The following OVCH2 variants were observed in gnomAD, a reference collection of about 807,000 sequenced individuals.
OVCH2 encodes ovochymase 2.
OVCH2 carries 88 observed loss-of-function variants against 73.7 expected under a neutral mutation model. The observed-to-expected ratio is 1.19, with a 90% CI of 1.01 to 1.43. The LOEUF is 1.43. Among genes scored for constraint, OVCH2 ranks in the 40% most tolerant of loss-of-function variants. The probability of loss-of-function intolerance (pLI) is 0.00; values close to 1 mark genes in which losing one functional copy is unlikely to be tolerated. For synonymous variants in OVCH2, 265 were observed against 234.5 expected (o/e 1.13, Z -1.19); for missense variants, 706 against 674.5 (o/e 1.05, Z -0.52).
the OVCH2 span, among the ~76,000 whole-genome samples, chr11:7,680,980 C>T: frequency 6.6e-6 from 1 of 152,170 alleles, no homozygotes; most frequent in South Asian, 2.1e-4. Context: ...TTCCAATGTG[C>T]CCCCTGCTAC....
the OVCH2 span, among the ~76,000 whole-genome samples, chr11:7,680,596 C>T: frequency 2.0e-5 from 3 of 152,056 alleles, no homozygotes; most frequent in East Asian, 3.9e-4. Context: ...GGGGGAGGGG[C>T]CACCTGCCAA....
chr11:7,684,671 A>C (rs11041533), downstream of OVCH2, among the ~76,000 whole-genome samples: 14 of 152,038 alleles, frequency 9.2e-5, no homozygotes, highest in African/African-American at 3.4e-4. Context: ...TATATAAGAT[A>C]TAGTTAATTC....
chr11:7,704,610 G>C lies in OVCH2; in HGVS notation c.153C>G (p.Arg51=). Residue 51 remains arginine, a synonymous_variant, in exon 2 of 16, where the codon CGC becomes CGG. Transcript: ENST00000533663. ...QPWNYFNIFS[R]ILGGSQVEKG... ...TCTCCACTTGGCTTCCTCCAAGAAT[G>C]CGACTGAAAATGTTAAAATAATTCC... The C allele has an allele frequency of 6.2e-7, 1 of 1,612,888 alleles. No individual in the cohort carries two copies. The highest frequency in any genetic ancestry group is 8.5e-7 in the Non-Finnish European group (1 of 1,179,436).
chr11:7,696,426 G>T, intron 10 of OVCH2, 39 bp downstream of exon 10: 4 of 1,612,752 alleles, frequency 2.5e-6, no homozygotes, highest in South Asian at 1.1e-5. Context: ...AAGCCCACTT[G>T]GCACTGGTTT....
chr11:7,704,001 A>G (rs1357838437), intron 2 of OVCH2, among the ~76,000 whole-genome samples: 2 of 152,224 alleles, frequency 1.3e-5, no homozygotes. Flanking sequence ...TTAATTTGAG[A>G]TGACTGGCTG....
rs374238543 is a variant in OVCH2 at position 7,700,189 on chromosome 11, G to A, written c.901+107C>T. On this transcript the variant is annotated intron_variant, in intron 7 of 15. Transcript: ENST00000533663. ...CCTTGTGTGCTACACTGAGAACAGA[G>A]GTAGAGCCTGTTGGTTCAGGTGCTC... 31 of 1,069,656 alleles carry A rather than the reference G, an allele frequency of 2.9e-5. No individual in the cohort carries two copies. In the African/African-American group the frequency reaches 3.7e-4, roughly 13 times the overall value. The allele number at this position is 1,069,656 out of a possible 1,614,324, so 66.3% of individuals were successfully genotyped here.
rs34314441 is a variant in OVCH2, at chr11:7,694,803, CTTTTTTT to C, written c.1413+248_1413+254del. ...ATTCAATACAAAGATTAAAGCGGCA[CTTTTTTT>C]TTTTTTTTTTTTTTTTAAAGTAAGG... is the stretch of plus-strand genomic sequence containing the variant. On this transcript the variant is annotated intron_variant, in intron 12 of 15. Transcript: ENST00000533663. Among the ~76,000 whole-genome samples, 598 of 108,382 alleles carry C rather than the reference CTTTTTTT, an allele frequency of 5.5e-3. 9 individuals are homozygous for C. The highest frequency in any genetic ancestry group is 0.02 in the African/African-American group (565 of 27,590). The allele number at this position is 108,382 out of a possible 152,430, so 71.1% of individuals were successfully genotyped here.
intron 7 of OVCH2, chr11:7,699,092 G>A (rs1856388192): frequency 4.3e-6 from 1 of 233,524 alleles, no homozygotes; most frequent in South Asian, 7.4e-5. Flanking sequence ...TAAAAGAGTT[G>A]CTGGGTTAAA....
chr11:7,689,487 T>TC lies in OVCH2; in HGVS notation c.*146dup. On this transcript the variant is annotated 3_prime_UTR_variant, in exon 16 of 16. Transcript: ENST00000533663. ...GTCTCATAGTTCTGGAGGCTAGAAG[T>TC]CCAAGATCAACGTGTCAGCAGGGAT... 2.8e-6 allele frequency: 1 copy of TC among 357,432 alleles called. No homozygotes were observed. Among genetic ancestry groups the TC allele is most frequent in the Non-Finnish European group, 5.6e-6 (1 of 179,438 alleles). The allele number at this position is 357,432 out of a possible 1,614,324, so 22.1% of individuals were successfully genotyped here. A position where few individuals can be genotyped will look rare whatever the true frequency, so the allele number is the denominator to read the frequency against.
At chr11:7,687,452 A>G (rs116864410), downstream of OVCH2, among the ~76,000 whole-genome samples, 5,734 of 152,226 alleles carry the variant, frequency 0.038, 150 homozygotes, top group Middle Eastern at 0.082. Context: ...TGACTCCTGA[A>G]GCCTGAGAGC....
At chr11:7,703,898 G>T (rs1856488862) in intron 2 of OVCH2, 109 bp from the exon 3 acceptor site, 3 of 859,618 alleles carry the variant, frequency 3.5e-6, no homozygotes, top group Non-Finnish European at 5.6e-6. Context: ...ACTCGTAAAT[G>T]TCAAGAATCG....
At chr11:7,704,059 T>C (rs2136164224) in intron 2 of OVCH2, among the ~76,000 whole-genome samples, 1 of 152,326 alleles carries the variant, frequency 6.6e-6, no homozygotes. Flanking sequence ...GAGATGTATT[T>C]ACTTATTTTT....
intron 10 of OVCH2, 102 bp downstream of exon 10, chr11:7,696,363 G>A: frequency 6.8e-7 from 1 of 1,472,838 alleles, no homozygotes; most frequent in Non-Finnish European, 9.3e-7. Flanking sequence ...AAGTCAAGAA[G>A]TGTGGCATTT....
chr11:7,694,855 G>GA lies in OVCH2; in HGVS notation c.1413+202dup, dbSNP rs575272752. Among the ~76,000 whole-genome samples, 67 of 146,772 alleles carry GA rather than the reference G, an allele frequency of 4.6e-4. 1 individual carries two copies. The highest frequency in any genetic ancestry group is 1.9e-3 in the South Asian group (9 of 4,618). ...GTAAGGAGCACAGTGCCATCTAGTGGAAAAAATGTGTAGTTGCAGGGGAAA... is the reference window on the plus strand; with the variant it reads ...GTAAGGAGCACAGTGCCATCTAGTGGAAAAAAATGTGTAGTTGCAGGGGAAA... On this transcript the variant is annotated intron_variant, in intron 12 of 15. Transcript: ENST00000533663.
chr11:7,706,417 T>G lies in OVCH2; in HGVS notation c.-23A>C. 5 of 1,551,726 alleles carry G rather than the reference T, an allele frequency of 3.2e-6. No individual in the cohort carries two copies. Among genetic ancestry groups the G allele is most frequent in the Non-Finnish European group, 4.4e-6 (5 of 1,147,864 alleles). On this transcript the variant is annotated 5_prime_UTR_variant, in exon 1 of 16. Coordinates refer to ENST00000533663, the MANE Select transcript of OVCH2 (RefSeq NM_198185.7). ...CATTTTGAGACTCATAGTTTTTCCCTGAAATTTTAGAGAGACTAAAGCAAA... is the reference window on the plus strand; with the variant it reads ...CATTTTGAGACTCATAGTTTTTCCCGGAAATTTTAGAGAGACTAAAGCAAA...
intron 4 of OVCH2, 150 bp downstream of exon 4, chr11:7,702,007 C>G (rs1424021712): frequency 1.2e-6 from 1 of 849,374 alleles, no homozygotes; most frequent in East Asian, 2.7e-5. Flanking sequence ...TCCAGAACCA[C>G]AAGCAAAAAG....
chr11:7,705,413 T>C (rs1310974856), intron 1 of OVCH2: 3 of 152,238 alleles, frequency 2.0e-5, no homozygotes, highest in Non-Finnish European at 4.4e-5. Flanking sequence ...AGCTTAATTC[T>C]TGGCATAAGT....
chr11:7,703,233 G>C (rs1233185730), intron 3 of OVCH2, among the ~76,000 whole-genome samples: 1 of 152,132 alleles, frequency 6.6e-6, no homozygotes, highest in Non-Finnish European at 1.5e-5. Flanking sequence ...CAAGAAAGTG[G>C]GTAAAGGGAA....
At chr11:7,698,397 G>A (rs1565169203) in intron 8 of OVCH2, among the ~76,000 whole-genome samples, 1 of 152,210 alleles carries the variant, frequency 6.6e-6, no homozygotes, top group South Asian at 2.1e-4. Flanking sequence ...TCGCAGGATC[G>A]CAATGGAACA....
Sources: gnomAD v4.1 joint callset for allele counts (sites outside exome capture counted in the v4.1 genomes callset) on GRCh38, gnomAD v4.1.1 for gene constraint, MANE v1.5 for transcripts, NCBI Gene and HGNC (gene_info 2026-07-23, HGNC 2026-07-21) for gene names.